KIRREL3: variants seen among roughly 807,000 people sequenced by gnomAD.
The protein encoded by KIRREL3 is kin of IRRE-like protein 3.
Under a neutral mutation model 89.7 loss-of-function variants are expected in KIRREL3, and 36 were observed. That is an observed-to-expected ratio of 0.40 (90% CI 0.31 to 0.53). KIRREL3 has a LOEUF of 0.53. KIRREL3 is among the 20% of genes least tolerant of loss of function. KIRREL3 has a pLI of 0.49. For synonymous variants in KIRREL3, 445 were observed against 441.4 expected (o/e 1.01, Z -0.10); for missense variants, 864 against 1,056.6 (o/e 0.82, Z 2.53).
chr11:126,834,898 T>C (rs964539182), intron 1 of KIRREL3, among the ~76,000 whole-genome samples: 1 of 152,244 alleles, frequency 6.6e-6, no homozygotes, highest in Non-Finnish European at 1.5e-5. Context: ...CTACTGACCA[T>C]GCTCAGAGCG....
Position 126,872,727 on chromosome 11 carries a change from C to T in KIRREL3, c.55+127728G>A, listed in dbSNP as rs1158618773. On this transcript the variant is annotated intron_variant, in intron 1 of 16. Transcript: ENST00000525144. The surrounding 1 kb of genome is among the most constrained non-coding windows in gnomAD (Gnocchi z 4.2). ...CTTTGTCAGTGTGGGTACTTTCCTG[C>T]TCTGTGCTGCCAGAATGGTGCTGAA... 6.6e-6 allele frequency among the ~76,000 whole-genome samples: 1 copy of T among 152,212 alleles called. No individual in the cohort carries two copies. Among genetic ancestry groups the T allele is most frequent in the Admixed American group, 6.5e-5 (1 of 15,286 alleles).
Position 126,682,173 on chromosome 11 carries a change from T to A in KIRREL3, c.56-119261A>T. The A allele has an allele frequency of 3.4e-6, 1 of 293,002 alleles. No individual in the cohort carries two copies. Among genetic ancestry groups the A allele is most frequent in the Non-Finnish European group, 6.8e-6 (1 of 147,892 alleles). The allele number at this position is 293,002 out of a possible 1,614,324, so 18.2% of individuals were successfully genotyped here. On this transcript the variant is annotated intron_variant, in intron 1 of 16. Transcript: ENST00000525144. The surrounding 1 kb of genome is among the most constrained non-coding windows in gnomAD (Gnocchi z 4.8). ...GGCATCACAGAGCTGCTGTGGAGTG[T>A]GTGCACAGATTCTGTGTACTAGGTC...
At chr11:126,787,339 G>A (rs959499951) in intron 1 of KIRREL3, among the ~76,000 whole-genome samples, 2 of 152,130 alleles carry the variant, frequency 1.3e-5, no homozygotes, top group African/African-American at 4.8e-5. Flanking sequence ...ATATTGCAAG[G>A]GCCAGCAATT....
intron 4 of KIRREL3, among the ~76,000 whole-genome samples, chr11:126,518,134 G>A (rs532468866): frequency 2.6e-5 from 4 of 152,250 alleles, no homozygotes; most frequent in South Asian, 2.1e-4. Flanking sequence ...TCTGCCTCCC[G>A]AGGTACAAAT....
chr11:126,809,471 G>C (rs560090987), intron 1 of KIRREL3, among the ~76,000 whole-genome samples: 4 of 152,238 alleles, frequency 2.6e-5, no homozygotes, highest in African/African-American at 9.6e-5. Flanking sequence ...AGGTACTTAA[G>C]TAACTGCAGT....
chr11:126,484,883 T>C lies in KIRREL3; in HGVS notation c.434-11417A>G, dbSNP rs533081110. On this transcript the variant is annotated intron_variant, in intron 4 of 16. Transcript: ENST00000525144. The surrounding 1 kb of genome is among the most constrained non-coding windows in gnomAD (Gnocchi z 5.2). Reference sequence around the variant, plus strand: ...CAGGCTGGAGTGCAATGGCACAATGTAGGCTCACTGCAGCCTCCGCCTCCC... The same window carrying C: ...CAGGCTGGAGTGCAATGGCACAATGCAGGCTCACTGCAGCCTCCGCCTCCC... 1.1e-4 allele frequency among the ~76,000 whole-genome samples: 17 copies of C among 151,802 alleles called. No individual in the cohort carries two copies. Among genetic ancestry groups the C allele is most frequent in the African/African-American group, 3.9e-4 (16 of 41,374 alleles).
chr11:126,738,438 T>C (rs1948876575), intron 1 of KIRREL3, among the ~76,000 whole-genome samples: 1 of 152,172 alleles, frequency 6.6e-6, no homozygotes, highest in South Asian at 2.1e-4. Flanking sequence ...CTGTGTGGAC[T>C]TCACTTGAGT....
chr11:126,610,693 A>C lies in KIRREL3; in HGVS notation c.56-47781T>G, dbSNP rs1483654324. ...GACTACAGACAGGGCAACGGAGAGC[A>C]GGGGCTTGCTGGAGAAATCCATCCT... On this transcript the variant is annotated intron_variant, in intron 1 of 16. Coordinates refer to ENST00000525144, the MANE Select transcript of KIRREL3 (RefSeq NM_032531.4). This position sits in a 1 kb window ranked among gnomAD's most constrained non-coding sequence, Gnocchi z 4.6. 1.3e-5 allele frequency: 2 copies of C among 152,246 alleles called. No homozygotes were observed. The allele number at this position is 152,246 out of a possible 1,614,324, so 9.4% of individuals were successfully genotyped here.
intron 1 of KIRREL3, among the ~76,000 whole-genome samples, chr11:126,646,509 CTGT>C (rs1944685310): frequency 8.0e-6 from 1 of 125,140 alleles, no homozygotes; most frequent in African/African-American, 3.0e-5. Context: ...GAGTCTCGTT[CTGT>C]TGCTCAGGCT....
At chr11:126,451,434 ATG>A (rs1173936442) in intron 7 of KIRREL3, among the ~76,000 whole-genome samples, 15 of 136,092 alleles carry the variant, frequency 1.1e-4, no homozygotes, top group East Asian at 2.3e-4. Context: ...GAGCGTGTGC[ATG>A]TGTGTGTCCA....
chr11:126,643,527 T>A lies in KIRREL3; in HGVS notation c.56-80615A>T, dbSNP rs1211095007. ...AAAGGTGACTAGTGGGAAATAGGAC[T>A]GAAGATGTAGGCTGAGGCGATATCA... On this transcript the variant is annotated intron_variant, in intron 1 of 16. Coordinates refer to ENST00000525144, the MANE Select transcript of KIRREL3 (RefSeq NM_032531.4). The surrounding 1 kb of genome is among the most constrained non-coding windows in gnomAD (Gnocchi z 4.5). Among the ~76,000 whole-genome samples the A allele has an allele frequency of 6.6e-6, 1 of 152,186 alleles. No individual in the cohort carries two copies. The highest frequency in any genetic ancestry group is 1.5e-5 in the Non-Finnish European group (1 of 68,022).
Position 126,651,610 on chromosome 11 carries a change from C to G in KIRREL3, c.56-88698G>C, listed in dbSNP as rs1944909530. ...CTTCTGAATTATCTAGGGGATTTAT[C>G]AGGTTTGATTATAGATGCATAATGA... is the stretch of plus-strand genomic sequence containing the variant. On this transcript the variant is annotated intron_variant, in intron 1 of 16. Transcript: ENST00000525144. This position sits in a 1 kb window ranked among gnomAD's most constrained non-coding sequence, Gnocchi z 4.6. 6.6e-6 allele frequency among the ~76,000 whole-genome samples: 1 copy of G among 152,148 alleles called. No homozygotes were observed. Among genetic ancestry groups the G allele is most frequent in the Non-Finnish European group, 1.5e-5 (1 of 68,040 alleles).
In KIRREL3 at chr11:126,550,216, C is replaced by A. The variant is rs981409630; in HGVS notation, c.133+12619G>T. The A allele has an allele frequency of 1.3e-5, 2 of 152,254 alleles. No individual in the cohort carries two copies. The highest frequency in any genetic ancestry group is 2.9e-5 in the Non-Finnish European group (2 of 68,070). The allele number at this position is 152,254 out of a possible 1,614,324, so 9.4% of individuals were successfully genotyped here. A position where few individuals can be genotyped will look rare whatever the true frequency, so the allele number is the denominator to read the frequency against. ...CATTCCGCCGTGTTCACAGTCTTTA[C>A]ACACACTGGTACTTGGCAGGGATAT... On this transcript the variant is annotated intron_variant, in intron 2 of 16. Transcript: ENST00000525144. The surrounding 1 kb of genome is among the most constrained non-coding windows in gnomAD (Gnocchi z 4.9).
intron 1 of KIRREL3, among the ~76,000 whole-genome samples, chr11:126,974,025 G>T (rs747634484): frequency 7.9e-5 from 12 of 152,116 alleles, no homozygotes; most frequent in Admixed American, 1.3e-4. Context: ...CTCCCTGAGG[G>T]CAGGTGCCAC....
At chr11:126,887,111 C>T (rs1283063233) in intron 1 of KIRREL3, among the ~76,000 whole-genome samples, 1 of 152,066 alleles carries the variant, frequency 6.6e-6, no homozygotes, top group Non-Finnish European at 1.5e-5. Context: ...CAGGAAGGTG[C>T]ATGAAGGGAC....
At position 126,697,841 on chromosome 11, in the gene KIRREL3, C is replaced by T. The variant is rs1218892533; in HGVS notation, c.56-134929G>A. On this transcript the variant is annotated intron_variant, in intron 1 of 16. Transcript: ENST00000525144. The surrounding 1 kb of genome is among the most constrained non-coding windows in gnomAD (Gnocchi z 4.2). ...AACAAGCAGCCCTGCTCTTGACAGT[C>T]ATCTGAGGATCTTTGTTGGTGATGA... Among the ~76,000 whole-genome samples, 4 of 152,120 alleles carry T rather than the reference C, an allele frequency of 2.6e-5. No individual in the cohort carries two copies. Among genetic ancestry groups the T allele is most frequent in the African/African-American group, 9.7e-5 (4 of 41,428 alleles).
rs1345301972 is a variant in KIRREL3 at position 126,498,830 on chromosome 11, C to G, written c.433+22485G>C. Among the ~76,000 whole-genome samples the G allele has an allele frequency of 6.6e-6, 1 of 152,336 alleles. No homozygotes were observed. The highest frequency in any genetic ancestry group is 1.5e-5 in the Non-Finnish European group (1 of 68,034). Reference sequence around the variant, plus strand: ...GCCCTCAGTAAATGCCAGTTCTTCACAGGCTCAGGACCTCGACGCACGGAA... The same window carrying G: ...GCCCTCAGTAAATGCCAGTTCTTCAGAGGCTCAGGACCTCGACGCACGGAA... On this transcript the variant is annotated intron_variant, in intron 4 of 16. Coordinates refer to ENST00000525144, the MANE Select transcript of KIRREL3 (RefSeq NM_032531.4). The surrounding 1 kb of genome is among the most constrained non-coding windows in gnomAD (Gnocchi z 4.3).
chr11:126,864,056 ATCC>A (rs1302982070), intron 1 of KIRREL3, among the ~76,000 whole-genome samples: 2 of 152,224 alleles, frequency 1.3e-5, no homozygotes, highest in Non-Finnish European at 2.9e-5. Flanking sequence ...CCAACCGGGC[ATCC>A]TCCTTAAAGC....
At chr11:126,799,533 G>T (rs1207116613) in intron 1 of KIRREL3, among the ~76,000 whole-genome samples, 2 of 40,454 alleles carry the variant, frequency 4.9e-5, no homozygotes, top group Admixed American at 5.9e-4. Flanking sequence ...AATTTTGTTG[G>T]AAAAATAAGA....
Sources: gnomAD v4.1 joint callset for allele counts (sites outside exome capture counted in the v4.1 genomes callset) on GRCh38, gnomAD v4.1.1 for gene constraint, Gnocchi (gnomAD v3.1) non-coding constraint, MANE v1.5 for transcripts, NCBI Gene and HGNC (gene_info 2026-07-23, HGNC 2026-07-21) for gene names.